Variants in FGFR2 observed in about 807,000 individuals in gnomAD.
FGFR2 encodes BEK fibroblast growth factor receptor.
In FGFR2, 19 loss-of-function variants were observed where a neutral mutation model predicts 95.9. The ratio of observed to expected loss-of-function variants is 0.20; its 90% CI spans 0.14 to 0.29. FGFR2 has a LOEUF of 0.29. Among genes scored for constraint, FGFR2 ranks in the 10% least tolerant of loss-of-function variants. The pLI is 1.00. For synonymous variants in FGFR2, 392 were observed against 393.3 expected (o/e 1.00, Z 0.04); for missense variants, 707 against 1,056.9 (o/e 0.67, Z 4.59).
chr10:121,569,835 C>T (rs1316615596), intron 2 of FGFR2, among the ~76,000 whole-genome samples: 2 of 152,190 alleles, frequency 1.3e-5, no homozygotes, highest in East Asian at 1.9e-4. Context: ...CACAAAGGGC[C>T]CATTTTGGGG....
chr10:121,488,156 C>T (rs4647915), intron 13 of FGFR2, 43 bp from the exon 14 acceptor site: 3 of 1,192,684 alleles, frequency 2.5e-6, no homozygotes, highest in South Asian at 2.4e-5. Flanking sequence ...AATTTCAAAA[C>T]ACCGCCAGAA....
intron 10 of FGFR2, among the ~76,000 whole-genome samples, chr10:121,502,997 G>T (rs1847796174): frequency 2.0e-5 from 3 of 152,192 alleles, no homozygotes; most frequent in Admixed American, 1.3e-4. Context: ...GAAGGGAAAT[G>T]AAAGGAAAAC....
Position 121,500,845 on chromosome 10 carries a change from C to T in FGFR2, c.1542G>A (p.Val514=). 6.2e-7 allele frequency: 1 copy of T among 1,614,184 alleles called. No individual in the cohort carries two copies. The highest frequency in any genetic ancestry group is 1.1e-5 in the South Asian group (1 of 91,080). Residue 514 remains valine (V), a synonymous_variant, in exon 11 of 18, where the codon GTG becomes GTA. Transcript: ENST00000358487. ...GCTCACCTTTCAACATCTTCACGGC[C>T]ACGGTGACCGCCTCCTTGGGCTTGT... ...DKDKPKEAVT[V]AVKMLKDDAT...
At chr10:121,498,405 G>A (rs936671212) in intron 12 of FGFR2, 90 bp downstream of exon 12, 5 of 857,864 alleles carry the variant, frequency 5.8e-6, no homozygotes, top group African/African-American at 1.7e-5. Context: ...AGGGTGCTCT[G>A]GGAGCAGGAT....
chr10:121,591,387 G>T (rs183701367), intron 2 of FGFR2, among the ~76,000 whole-genome samples: 45 of 151,924 alleles, frequency 3.0e-4, no homozygotes, highest in African/African-American at 9.7e-4. Flanking sequence ...GCTCCCTGGC[G>T]ACAACGGCGA....
chr10:121,521,739 A>C (rs2912763), intron 6 of FGFR2, among the ~76,000 whole-genome samples: 7 of 152,020 alleles, frequency 4.6e-5, no homozygotes, highest in Non-Finnish European at 8.8e-5. Flanking sequence ...TGCAGCCACC[A>C]TGGAAAACAA....
intron 4 of FGFR2, among the ~76,000 whole-genome samples, chr10:121,559,718 A>C (rs968003881): frequency 3.9e-5 from 6 of 152,230 alleles, no homozygotes; most frequent in African/African-American, 1.4e-4. Flanking sequence ...CCCTGCTTGC[A>C]AGGTGAAGGC....
At chr10:121,550,689 GT>G (rs1325839020) in intron 5 of FGFR2, among the ~76,000 whole-genome samples, 2 of 152,118 alleles carry the variant, frequency 1.3e-5, no homozygotes, top group Non-Finnish European at 2.9e-5. Context: ...ACCCGTTTTA[GT>G]TTTATACACT....
intron 2 of FGFR2, among the ~76,000 whole-genome samples, chr10:121,582,541 TC>T (rs1462851130): frequency 1.3e-5 from 2 of 151,768 alleles, no homozygotes; most frequent in African/African-American, 4.8e-5. Context: ...ACACCTGTAA[TC>T]CCAGCACTTT....
chr10:121,548,245 C>CTTTTTTTTTTTTTTTTTTTTTTTTTTT lies in FGFR2; in HGVS notation c.624+3018_624+3044dup, dbSNP rs57061338. Among the ~76,000 whole-genome samples, 6 of 46,700 alleles carry CTTTTTTTTTTTTTTTTTTTTTTTTTTT rather than the reference C, an allele frequency of 1.3e-4. 1 individual carries two copies. Among genetic ancestry groups the CTTTTTTTTTTTTTTTTTTTTTTTTTTT allele is most frequent in the African/African-American group, 1.3e-4 (2 of 15,850 alleles). The allele number at this position is 46,700 out of a possible 152,430, so 30.6% of individuals were successfully genotyped here. ...TGTGTGGCCCTCTGCCGCTTTTGGC[C>CTTTTTTTTTTTTTTTTTTTTTTTTTTT]TTTTTTTTTTTTTTTTTTTTTTTTT... On this transcript the variant is annotated intron_variant, in intron 5 of 17. Coordinates refer to ENST00000358487, the MANE Select transcript of FGFR2 (RefSeq NM_000141.5).
intron 2 of FGFR2, among the ~76,000 whole-genome samples, chr10:121,586,544 G>A (rs1861857905): frequency 6.6e-6 from 1 of 152,192 alleles, no homozygotes; most frequent in African/African-American, 2.4e-5. Context: ...GTCCACAATG[G>A]CGCAGAATTA....
chr10:121,504,258 C>T (rs145487780), intron 9 of FGFR2, among the ~76,000 whole-genome samples: 322 of 152,256 alleles, frequency 2.1e-3, no homozygotes, highest in Middle Eastern at 6.8e-3. Flanking sequence ...GCAGACAGTC[C>T]TCTCTGGCTT....
chr10:121,537,780 G>A (rs1362692169), intron 6 of FGFR2, among the ~76,000 whole-genome samples: 1 of 152,142 alleles, frequency 6.6e-6, no homozygotes, highest in Non-Finnish European at 1.5e-5. Context: ...GAGAAAAGAT[G>A]GCCCCTACAT....
At chr10:121,568,671 A>G (rs1858073562) in intron 2 of FGFR2, among the ~76,000 whole-genome samples, 1 of 152,208 alleles carries the variant, frequency 6.6e-6, no homozygotes. Flanking sequence ...ATTGTGATGC[A>G]GAAAAAAATC....
chr10:121,552,868 G>T (rs1314795840), intron 4 of FGFR2, among the ~76,000 whole-genome samples: 1 of 152,204 alleles, frequency 6.6e-6, no homozygotes, highest in Non-Finnish European at 1.5e-5. Context: ...ATGAAGGCTA[G>T]ACTGAACAAC....
intron 5 of FGFR2, among the ~76,000 whole-genome samples, chr10:121,542,688 C>T (rs1853935715): frequency 6.6e-6 from 1 of 152,148 alleles, no homozygotes; most frequent in Admixed American, 6.5e-5. Flanking sequence ...AGCAAAATGG[C>T]CTAAACTCCC....
chr10:121,581,317 T>C (rs1263019499), intron 2 of FGFR2, among the ~76,000 whole-genome samples: 1 of 152,162 alleles, frequency 6.6e-6, no homozygotes, highest in Non-Finnish European at 1.5e-5. Flanking sequence ...GCAGAGAGGC[T>C]AGGCCCTGGA....
chr10:121,597,876 G>A (rs1863694402), intron 1 of FGFR2, 86 bp downstream of exon 1: 2 of 385,968 alleles, frequency 5.2e-6, no homozygotes, highest in Non-Finnish European at 9.2e-6. Context: ...CCCGCCCGGA[G>A]GACGGTGCAC....
At chr10:121,581,231 G>A (rs1398016063) in intron 2 of FGFR2, among the ~76,000 whole-genome samples, 1 of 152,204 alleles carries the variant, frequency 6.6e-6, no homozygotes, top group Non-Finnish European at 1.5e-5. Context: ...GGGCCTCTGA[G>A]CCCAGCTGCA....
Sources: allele counts gnomAD v4.1 joint callset (sites outside exome capture counted in the v4.1 genomes callset), GRCh38; gene constraint gnomAD v4.1.1; transcripts MANE v1.5; gene names NCBI Gene and HGNC (gene_info 2026-07-23, HGNC 2026-07-21).